Variants in SMIM36 observed in about 807,000 individuals in gnomAD.
SMIM36 encodes small integral membrane protein 36.
At chr17:55,525,574 C>T in the SMIM36 span, among the ~76,000 whole-genome samples, 2 of 152,286 alleles carry the variant, frequency 1.3e-5, no homozygotes, top group East Asian at 1.9e-4. Context: ...TGTGTTGCAT[C>T]TTCAAAATAG....
intron 1 of SMIM36, among the ~76,000 whole-genome samples, chr17:55,479,893 C>CT (rs1167209362): frequency 2.6e-5 from 4 of 152,210 alleles, no homozygotes; most frequent in Non-Finnish European, 5.9e-5. Flanking sequence ...GCCTTCAACA[C>CT]TGGAGAACAC....
At chr17:55,456,050 G>T (rs1022619963) in intron 4 of SMIM36, among the ~76,000 whole-genome samples, 1 of 147,520 alleles carries the variant, frequency 6.8e-6, no homozygotes, top group Admixed American at 6.8e-5. Flanking sequence ...CCCAGGAGGC[G>T]GAGGTTGCAG....
intron 1 of SMIM36, among the ~76,000 whole-genome samples, chr17:55,491,494 T>C (rs12453170): frequency 0.39 from 58,638 of 151,984 alleles, 11,796 homozygotes; most frequent in East Asian, 0.58. Context: ...CTCTTTCTTT[T>C]TACTGGAACC....
Position 55,500,811 on chromosome 17 carries a change from A to T in SMIM36, c.*174+10068T>A, listed in dbSNP as rs568301650. Among the ~76,000 whole-genome samples, 120 of 25,350 alleles carry T rather than the reference A, an allele frequency of 4.7e-3. 27 individuals carry two copies. Among genetic ancestry groups the T allele is most frequent in the South Asian group, 7.5e-3 (4 of 536 alleles). 16.6% of individuals were successfully genotyped at this position (25,350 alleles called of 152,430 possible). On this transcript the variant is annotated intron_variant, in intron 1 of 4. Coordinates refer to ENST00000636752, the Ensembl canonical transcript of SMIM36. ...TATTATATATTTTATAATATATTAT[A>T]ATATATTATATTTTATAATATATAT...
chr17:55,516,855 T>C, the SMIM36 span, among the ~76,000 whole-genome samples: 3 of 152,264 alleles, frequency 2.0e-5, no homozygotes, highest in Admixed American at 6.5e-5. Context: ...CCACTGCAAC[T>C]GGCCAGCCTT....
At chr17:55,518,484 T>G in the SMIM36 span, among the ~76,000 whole-genome samples, 2 of 152,144 alleles carry the variant, frequency 1.3e-5, no homozygotes, top group Admixed American at 6.5e-5. Flanking sequence ...ATCGATCAAG[T>G]AAAATGAGAA....
At position 55,475,219 on chromosome 17, in the gene SMIM36, G is replaced by A. The variant is rs140584904; in HGVS notation, c.*347+3543C>T. On this transcript the variant is annotated intron_variant, in intron 3 of 4. Coordinates refer to ENST00000636752, the Ensembl canonical transcript of SMIM36. ...ATGCCCTGCCCCTGTTTACACTGCC[G>A]GTTTACACTTTTTCTCCAAACCATC... Among the ~76,000 whole-genome samples, 9 of 152,116 alleles carry A rather than the reference G, an allele frequency of 5.9e-5. No individual in the cohort carries two copies. The South Asian group carries it at 8.3e-4, about 14-fold the overall frequency.
chr17:55,455,952 T>G (rs1224734897), intron 4 of SMIM36, among the ~76,000 whole-genome samples: 3 of 151,664 alleles, frequency 2.0e-5, no homozygotes, highest in Non-Finnish European at 4.4e-5. Context: ...ACCCTGTTTC[T>G]ACTAAAAATA....
chr17:55,480,233 G>A (rs1909496370), intron 1 of SMIM36, among the ~76,000 whole-genome samples: 1 of 144,218 alleles, frequency 6.9e-6, no homozygotes, highest in African/African-American at 2.6e-5. Flanking sequence ...AGAAAAAATG[G>A]AGCGTTCTAA....
At chr17:55,453,171 C>A (rs1350603398) in intron 4 of SMIM36, among the ~76,000 whole-genome samples, 1 of 152,116 alleles carries the variant, frequency 6.6e-6, no homozygotes, top group Non-Finnish European at 1.5e-5. Context: ...TTTAAATTAG[C>A]CAGGCCTGGT....
chr17:55,521,736 T>A, the SMIM36 span, among the ~76,000 whole-genome samples: 1 of 152,194 alleles, frequency 6.6e-6, no homozygotes, highest in African/African-American at 2.4e-5. Flanking sequence ...ATTGTCAGGA[T>A]GCTGAAAGCA....
intron 1 of SMIM36, among the ~76,000 whole-genome samples, chr17:55,490,280 C>A (rs953695888): frequency 1.3e-5 from 2 of 152,144 alleles, no homozygotes; most frequent in East Asian, 3.9e-4. Context: ...GGTTCTGGCA[C>A]TGATTCTGCC....
intron 1 of SMIM36, among the ~76,000 whole-genome samples, chr17:55,489,850 GT>G (rs1485545578): frequency 3.1e-4 from 17 of 54,034 alleles, no homozygotes; most frequent in South Asian, 5.5e-4. Context: ...TTATTGCTCG[GT>G]TTTTTTTTGT....
At chr17:55,528,555 CTTT>C in the SMIM36 span, among the ~76,000 whole-genome samples, 4 of 139,444 alleles carry the variant, frequency 2.9e-5, no homozygotes, top group Admixed American at 7.2e-5. Flanking sequence ...CTTTTCTTTT[CTTT>C]TTTTTTTTTT....
intron 3 of SMIM36, among the ~76,000 whole-genome samples, chr17:55,475,842 A>T (rs1472134004): frequency 3.9e-5 from 6 of 152,078 alleles, no homozygotes; most frequent in African/African-American, 1.4e-4. Context: ...ATCACTAATC[A>T]TTCTATATGA....
chr17:55,531,821 C>T, the SMIM36 span, among the ~76,000 whole-genome samples: 6 of 152,184 alleles, frequency 3.9e-5, no homozygotes, highest in South Asian at 2.1e-4. Context: ...CACAATAGTA[C>T]GGAATAGGCC....
intron 2 of SMIM36, among the ~76,000 whole-genome samples, chr17:55,479,230 AG>A (rs1909478889): frequency 6.6e-6 from 1 of 152,326 alleles, no homozygotes; most frequent in East Asian, 1.9e-4. Context: ...TATCCTCCAT[AG>A]CATTGCTTAG....
chr17:55,493,847 T>C (rs1425140549), intron 1 of SMIM36, among the ~76,000 whole-genome samples: 1 of 144,370 alleles, frequency 6.9e-6, no homozygotes, highest in East Asian at 2.0e-4. Flanking sequence ...AGCAGCAGCT[T>C]GGGTAATTTG....
At chr17:55,478,238 CT>C (rs558302368) in intron 3 of SMIM36, among the ~76,000 whole-genome samples, 246 of 142,872 alleles carry the variant, frequency 1.7e-3, no homozygotes, top group Non-Finnish European at 1.8e-3. Context: ...GAGGTTATTC[CT>C]TTTTTTTTTT....
Sources: allele counts gnomAD v4.1 joint callset (sites outside exome capture counted in the v4.1 genomes callset), GRCh38; gene constraint gnomAD v4.1.1; transcripts MANE v1.5; gene names NCBI Gene and HGNC (gene_info 2026-07-23, HGNC 2026-07-21).